Variants in CNTN1 observed in about 807,000 individuals in gnomAD.
CNTN1 encodes contactin-1.
Under a neutral mutation model 126.4 loss-of-function variants are expected in CNTN1, and 38 were observed. That is an observed-to-expected ratio of 0.30 (90% confidence interval 0.23 to 0.39). The LOEUF is 0.39. CNTN1 is among the 10% of genes least tolerant of loss of function. The pLI is 1.00. For synonymous variants in CNTN1, 413 were observed against 422.6 expected, an observed-to-expected ratio of 0.98 and a Z score of 0.28; for missense variants, 1,009 against 1,248.4, an observed-to-expected ratio of 0.81 and a Z score of 2.89.
intron 15 of CNTN1, among the ~76,000 whole-genome samples, chr12:40,970,084 T>A (rs901699911): frequency 6.6e-6 from 1 of 152,092 alleles, no homozygotes; most frequent in African/African-American, 2.4e-5. Flanking sequence ...TAGAAATATG[T>A]CAGATCCCGC....
chr12:40,904,162 G>T (rs1485581359), intron 1 of CNTN1, among the ~76,000 whole-genome samples: 2 of 152,016 alleles, frequency 1.3e-5, no homozygotes, highest in East Asian at 1.9e-4. Context: ...GGGACTACAG[G>T]CGCCTGCCAC....
Position 40,925,549 on chromosome 12 carries a change from A to ATACACG in CNTN1, c.496+899_496+900insCACGTA, listed in dbSNP as rs1565961320. On this transcript the variant is annotated intron_variant, in intron 6 of 23. Transcript: ENST00000551295. ...TGAAATTGTGTGTGTGTGTGTGTGT[A>ATACACG]TATATATACACGTATATATACGTAT... Among the ~76,000 whole-genome samples the ATACACG allele has an allele frequency of 6.5e-5, 9 of 138,136 alleles. No homozygotes were observed. The East Asian group carries it at 1.7e-3, about 26-fold the overall frequency. The allele number at this position is 138,136 out of a possible 152,430, so 90.6% of individuals were successfully genotyped here. A position where few individuals can be genotyped will look rare whatever the true frequency, so the allele number is the denominator to read the frequency against.
chr12:40,788,700 T>C (rs544560648), intron 1 of CNTN1, among the ~76,000 whole-genome samples: 62 of 152,146 alleles, frequency 4.1e-4, no homozygotes, highest in Non-Finnish European at 7.6e-4. Flanking sequence ...AAAGGACCTA[T>C]TATTACCTTC....
chr12:40,896,486 T>C (rs1944419156), intron 1 of CNTN1, among the ~76,000 whole-genome samples: 1 of 152,204 alleles, frequency 6.6e-6, no homozygotes, highest in South Asian at 2.1e-4. Context: ...ACTCACAGTC[T>C]GTACCCTTGT....
chr12:40,985,851 G>A (rs149741410), intron 16 of CNTN1, among the ~76,000 whole-genome samples: 11 of 152,140 alleles, frequency 7.2e-5, no homozygotes, highest in African/African-American at 2.6e-4. Context: ...AATGGACAGT[G>A]TGTGTGTGTC....
At chr12:40,761,741 G>A (rs1177637494) in intron 1 of CNTN1, among the ~76,000 whole-genome samples, 1 of 151,702 alleles carries the variant, frequency 6.6e-6, no homozygotes, top group Non-Finnish European at 1.5e-5. Context: ...TGGATTTTGG[G>A]GACTGTTTGT....
intron 16 of CNTN1, among the ~76,000 whole-genome samples, chr12:40,988,312 G>T (rs1948016015): frequency 6.6e-6 from 1 of 152,142 alleles, no homozygotes; most frequent in Non-Finnish European, 1.5e-5. Context: ...TTGGGTTTTA[G>T]ATTGAAATGG....
At chr12:41,027,774 C>G in intron 21 of CNTN1, 83 bp from the exon 22 acceptor site, 1 of 850,862 alleles carries the variant, frequency 1.2e-6, no homozygotes. Flanking sequence ...TTATCATCAG[C>G]ATTATAATAC....
At chr12:40,936,284 A>G (rs1429592881) in intron 9 of CNTN1, among the ~76,000 whole-genome samples, 1 of 152,090 alleles carries the variant, frequency 6.6e-6, no homozygotes, top group Non-Finnish European at 1.5e-5. Flanking sequence ...TAGGTGTCCA[A>G]GTCATTTTTC....
At chr12:41,049,297 T>TACTGA in intron 23 of CNTN1, among the ~76,000 whole-genome samples, 1 of 152,356 alleles carries the variant, frequency 6.6e-6, no homozygotes, top group East Asian at 1.9e-4. Context: ...CAATCAAATG[T>TACTGA]CAGTCTTCTC....
At chr12:40,801,631 A>G (rs1311844733) in intron 1 of CNTN1, among the ~76,000 whole-genome samples, 1 of 151,860 alleles carries the variant, frequency 6.6e-6, no homozygotes, top group Non-Finnish European at 1.5e-5. Context: ...GGAAAAGAAT[A>G]GGGAGATTGC....
chr12:40,898,667 T>C (rs10506177), intron 1 of CNTN1, among the ~76,000 whole-genome samples: 35,775 of 152,028 alleles, frequency 0.24, 4,740 homozygotes, highest in South Asian at 0.36. Flanking sequence ...AAAAACAGAA[T>C]GTCAATGATT....
intron 17 of CNTN1, among the ~76,000 whole-genome samples, chr12:40,996,172 C>CT (rs1363543121): frequency 6.6e-6 from 1 of 150,830 alleles, no homozygotes; most frequent in African/African-American, 2.4e-5. Context: ...TTCAGTGGCT[C>CT]TTTTTTTGGA....
intron 1 of CNTN1, among the ~76,000 whole-genome samples, chr12:40,793,235 T>C (rs767494197): frequency 1.9e-4 from 29 of 152,208 alleles, no homozygotes; most frequent in Middle Eastern, 3.4e-3. Context: ...GCTCCAATCC[T>C]TTATTTTTTC....
intron 7 of CNTN1, 61 bp downstream of exon 7, chr12:40,930,063 C>G: frequency 7.9e-7 from 1 of 1,265,546 alleles, no homozygotes; most frequent in Non-Finnish European, 1.2e-6. Context: ...GTATACTTAC[C>G]GTAATGAAAA....
chr12:40,885,979 C>T (rs1328289095), intron 1 of CNTN1, among the ~76,000 whole-genome samples: 3 of 151,972 alleles, frequency 2.0e-5, no homozygotes, highest in African/African-American at 7.2e-5. Flanking sequence ...GAGGCTTCAC[C>T]TTTCTTATTT....
chr12:40,820,113 T>G (rs73273539), intron 1 of CNTN1, among the ~76,000 whole-genome samples: 8,043 of 152,242 alleles, frequency 0.053, 328 homozygotes, highest in African/African-American at 0.11. Flanking sequence ...CTCAGAATAC[T>G]TTCAGTCATG....
intron 1 of CNTN1, among the ~76,000 whole-genome samples, chr12:40,717,714 G>A (rs11178027): frequency 0.2 from 30,812 of 152,118 alleles, 3,252 homozygotes; most frequent in Middle Eastern, 0.28. Context: ...TCTAGCATTG[G>A]TTAAGTTGAA....
intron 1 of CNTN1, among the ~76,000 whole-genome samples, chr12:40,840,858 CA>C (rs1265205370): frequency 6.7e-6 from 1 of 150,298 alleles, no homozygotes; most frequent in Non-Finnish European, 1.5e-5. Flanking sequence ...CAATAAATGC[CA>C]ACATCAAAAA....
Sources: gnomAD v4.1 joint callset for allele counts (sites outside exome capture counted in the v4.1 genomes callset) on GRCh38, gnomAD v4.1.1 for gene constraint, MANE v1.5 for transcripts, NCBI Gene and HGNC (gene_info 2026-07-23, HGNC 2026-07-21) for gene names.